Variants in ATRNL1 observed in about 807,000 individuals in gnomAD.
The protein encoded by ATRNL1 is attractin-like protein 1.
Under a neutral mutation model 182.7 loss-of-function variants are expected in ATRNL1, and 95 were observed. That is an observed-to-expected ratio of 0.52 (90% confidence interval 0.44 to 0.62). The LOEUF (loss-of-function observed/expected upper bound fraction) is 0.62. Ranked by LOEUF, ATRNL1 falls within the 20% of genes least tolerant of loss-of-function variation. The probability of loss-of-function intolerance (pLI) is 0.00; values close to 1 mark genes in which losing one functional copy is unlikely to be tolerated. For missense variants in ATRNL1, 1,471 were observed against 1,679.5 expected, an observed-to-expected ratio of 0.88 and a Z score of 2.17; for synonymous variants, 576 against 568.3, an observed-to-expected ratio of 1.01 and a Z score of -0.19.
At chr10:115,582,153 AT>A (rs1855140999) in intron 26 of ATRNL1, among the ~76,000 whole-genome samples, 1 of 151,954 alleles carries the variant, frequency 6.6e-6, no homozygotes, top group Non-Finnish European at 1.5e-5. Context: ...ATTGTTGGGC[AT>A]TTGGGTTGGT....
At chr10:115,742,660 T>C (rs1364868724) in intron 27 of ATRNL1, among the ~76,000 whole-genome samples, 2 of 152,180 alleles carry the variant, frequency 1.3e-5, no homozygotes, top group African/African-American at 4.8e-5. Context: ...TGAATCTCTT[T>C]ATCATCACTA....
intron 5 of ATRNL1, among the ~76,000 whole-genome samples, chr10:115,145,377 A>G (rs1475870297): frequency 3.3e-5 from 5 of 152,170 alleles, no homozygotes; most frequent in Admixed American, 1.3e-4. Context: ...ATTGATCTTT[A>G]AACAAGAGGG....
At chr10:115,527,946 T>TTC (rs1554987073) in intron 25 of ATRNL1, among the ~76,000 whole-genome samples, 39 of 106,650 alleles carry the variant, frequency 3.7e-4, no homozygotes, top group Non-Finnish European at 6.5e-4. Context: ...TTCTCCTTCC[T>TTC]TCCTTCTTTC....
intron 24 of ATRNL1, among the ~76,000 whole-genome samples, chr10:115,486,112 A>G (rs1390594452): frequency 6.6e-6 from 1 of 152,076 alleles, no homozygotes; most frequent in Non-Finnish European, 1.5e-5. Context: ...TCGATGGTGT[A>G]TATGTGCCAC....
chr10:115,790,443 G>A (rs1045873791), intron 27 of ATRNL1, among the ~76,000 whole-genome samples: 4 of 152,022 alleles, frequency 2.6e-5, no homozygotes, highest in African/African-American at 7.2e-5. Flanking sequence ...AATCCCCAAG[G>A]CCTCTACGGC....
chr10:115,538,817 A>G (rs985694908), intron 25 of ATRNL1, among the ~76,000 whole-genome samples: 1 of 152,192 alleles, frequency 6.6e-6, no homozygotes, highest in African/African-American at 2.4e-5. Context: ...TATACAGTCA[A>G]TGCACTACAT....
intron 26 of ATRNL1, among the ~76,000 whole-genome samples, chr10:115,584,764 C>T (rs1306553241): frequency 4.6e-5 from 7 of 151,946 alleles, no homozygotes; most frequent in Admixed American, 3.9e-4. Context: ...TTTGCTCTGA[C>T]TTTAGTTATT....
intron 10 of ATRNL1, among the ~76,000 whole-genome samples, chr10:115,262,560 C>T (rs1851436367): frequency 6.6e-6 from 1 of 151,912 alleles, no homozygotes; most frequent in African/African-American, 2.4e-5. Context: ...GTAAGACCAA[C>T]TTTCTGTAAA....
At chr10:115,815,591 G>A (rs1950146147) in intron 27 of ATRNL1, among the ~76,000 whole-genome samples, 1 of 151,992 alleles carries the variant, frequency 6.6e-6, no homozygotes, top group Non-Finnish European at 1.5e-5. Context: ...CCATCTTTAG[G>A]TCAATGTTAG....
intron 10 of ATRNL1, among the ~76,000 whole-genome samples, chr10:115,261,897 A>G (rs78752159): frequency 0.012 from 1,781 of 152,090 alleles, 33 homozygotes; most frequent in African/African-American, 0.04. Flanking sequence ...CAAATAAGAA[A>G]CTGAATATTG....
chr10:115,548,152 T>A (rs1176361531), intron 25 of ATRNL1, among the ~76,000 whole-genome samples: 3 of 152,220 alleles, frequency 2.0e-5, no homozygotes, highest in African/African-American at 7.2e-5. Flanking sequence ...CTCTGAGGAC[T>A]GGATTCCTCT....
At chr10:115,609,250 C>T (rs1483204750) in intron 26 of ATRNL1, among the ~76,000 whole-genome samples, 5 of 151,956 alleles carry the variant, frequency 3.3e-5, no homozygotes, top group East Asian at 1.9e-4. Context: ...TTAGTTCTCC[C>T]GCACCCTGCT....
intron 28 of ATRNL1, among the ~76,000 whole-genome samples, chr10:115,940,125 G>A (rs543806576): frequency 6.6e-6 from 1 of 152,238 alleles, no homozygotes; most frequent in Non-Finnish European, 1.5e-5. Context: ...GGCAGGAATG[G>A]GAAATCTTTA....
chr10:115,575,767 T>C (rs1854665313), intron 26 of ATRNL1, among the ~76,000 whole-genome samples: 2 of 152,084 alleles, frequency 1.3e-5, no homozygotes, highest in African/African-American at 4.8e-5. Context: ...GCACCTGAAA[T>C]CTACTCTCTT....
intron 9 of ATRNL1, among the ~76,000 whole-genome samples, chr10:115,234,363 T>C (rs1554900753): frequency 6.6e-6 from 1 of 151,986 alleles, no homozygotes; most frequent in African/African-American, 2.4e-5. Flanking sequence ...TATCTCCCTA[T>C]ATATCTATGT....
At chr10:115,222,625 A>G (rs1271548869) in intron 9 of ATRNL1, among the ~76,000 whole-genome samples, 1 of 152,168 alleles carries the variant, frequency 6.6e-6, no homozygotes, top group Non-Finnish European at 1.5e-5. Context: ...TAACTGAGGA[A>G]ATGGGATCCA....
intron 27 of ATRNL1, among the ~76,000 whole-genome samples, chr10:115,827,109 C>T (rs1262518059): frequency 5.9e-5 from 9 of 152,166 alleles, no homozygotes; most frequent in Non-Finnish European, 1.3e-4. Context: ...CATGGCTGGC[C>T]GTCTTGTGCT....
intron 28 of ATRNL1, among the ~76,000 whole-genome samples, chr10:115,909,942 G>T (rs1000466622): frequency 2.6e-5 from 4 of 152,096 alleles, no homozygotes; most frequent in Admixed American, 6.5e-5. Context: ...ATGGGCATTA[G>T]AAGTAACTAA....
intron 8 of ATRNL1, among the ~76,000 whole-genome samples, chr10:115,182,691 CAG>C (rs1435819029): frequency 6.6e-6 from 1 of 151,304 alleles, no homozygotes; most frequent in African/African-American, 2.4e-5. Context: ...TACAGTAAGA[CAG>C]GGAATATCAA....
Sources: gnomAD v4.1 joint callset for allele counts (sites outside exome capture counted in the v4.1 genomes callset) on GRCh38, gnomAD v4.1.1 for gene constraint, MANE v1.5 for transcripts, NCBI Gene and HGNC (gene_info 2026-07-23, HGNC 2026-07-21) for gene names.